The following CLIC5 variants were observed in gnomAD, a reference collection of about 807,000 sequenced individuals.
CLIC5 encodes CLIC family member 5.
CLIC5 carries 20 observed loss-of-function variants against 24.7 expected under a neutral mutation model. That is an observed-to-expected ratio of 0.81 (90% CI 0.57 to 1.18). The LOEUF (loss-of-function observed/expected upper bound fraction) is 1.18, where lower values mean the gene tolerates loss of function less well. Ranked by LOEUF, CLIC5 falls within the 50% of genes most tolerant of loss-of-function variation. The pLI is 0.00. For missense variants in CLIC5, 341 were observed against 326.1 expected (o/e 1.05, Z -0.35); for synonymous variants, 159 against 135.6 (o/e 1.17, Z -1.20).
At position 45,902,143 on chromosome 6, in the gene CLIC5, C is replaced by G. The variant is rs573755734; in HGVS notation, c.*945G>C. On this transcript the variant is annotated 3_prime_UTR_variant, in exon 6 of 6. Coordinates refer to ENST00000339561, the MANE Select transcript of CLIC5 (RefSeq NM_016929.5). ...TTTTTAAAAGTTTACCAGGGAACATCGAGGCTCATAAAGAACTCTTTTGTC... is the reference window on the plus strand; with the variant it reads ...TTTTTAAAAGTTTACCAGGGAACATGGAGGCTCATAAAGAACTCTTTTGTC... 1.3e-5 allele frequency: 2 copies of G among 152,650 alleles called. No homozygotes were observed. The highest frequency in any genetic ancestry group is 1.9e-4 in the East Asian group (1 of 5,190). 9.5% of individuals were successfully genotyped at this position (152,650 alleles called of 1,614,324 possible).
chr6:45,936,523 C>T lies in CLIC5; in HGVS notation c.406+5024G>A, dbSNP rs115326160. Among the ~76,000 whole-genome samples the T allele has an allele frequency of 3.0e-3, 459 of 152,100 alleles. 3 individuals are homozygous for T. Among genetic ancestry groups the T allele is most frequent in the African/African-American group, 0.011 (443 of 41,504 alleles). On this transcript the variant is annotated intron_variant, in intron 4 of 5. Transcript: ENST00000339561. ...CCTGGCCCCAGCAGCTGACTTTGAA[C>T]GTGGTAGTGGGCATTATTCCAAGCA...
chr6:46,085,735 G>T, the CLIC5 span, among the ~76,000 whole-genome samples: 2 of 152,206 alleles, frequency 1.3e-5, no homozygotes, highest in Non-Finnish European at 2.9e-5. Context: ...CAGTCTGCCC[G>T]TTCTCAGATC....
At position 46,024,555 on chromosome 6, in the gene CLIC5, T is replaced by G. The variant is rs142416833; in HGVS notation, c.540+55148A>C. ...AACAGAGAGAAAACAAGAGCCAAGATACATAGAGAGGAAGCCCAAGTTCTG... is the reference window on the plus strand; with the variant it reads ...AACAGAGAGAAAACAAGAGCCAAGAGACATAGAGAGGAAGCCCAAGTTCTG... On this transcript the variant is annotated intron_variant, in intron 1 of 5. Coordinates refer to the CLIC5 transcript ENST00000185206. Among the ~76,000 whole-genome samples, 434 of 152,284 alleles carry G rather than the reference T, an allele frequency of 2.8e-3. 1 individual carries two copies. Among genetic ancestry groups the G allele is most frequent in the African/African-American group, 9.1e-3 (379 of 41,566 alleles).
chr6:46,106,539 G>A, the CLIC5 span, among the ~76,000 whole-genome samples: 2 of 152,138 alleles, frequency 1.3e-5, no homozygotes, highest in Non-Finnish European at 2.9e-5. Flanking sequence ...TTGCCCTGAG[G>A]TCAGTGGTCC....
At chr6:46,066,207 G>A (rs530082970) in intron 1 of CLIC5, among the ~76,000 whole-genome samples, 1 of 152,186 alleles carries the variant, frequency 6.6e-6, no homozygotes, top group East Asian at 1.9e-4. Context: ...TCAAAGCGGG[G>A]GCAGGGGGCA....
chr6:45,932,990 T>C (rs994808673), intron 4 of CLIC5, among the ~76,000 whole-genome samples: 12 of 152,182 alleles, frequency 7.9e-5, no homozygotes, highest in Non-Finnish European at 1.6e-4. Context: ...GGAATGATCA[T>C]CCAAATTCTG....
At chr6:46,119,505 A>G in the CLIC5 span, among the ~76,000 whole-genome samples, 2 of 152,230 alleles carry the variant, frequency 1.3e-5, no homozygotes, top group Admixed American at 1.3e-4. Flanking sequence ...TCCCAGCGTG[A>G]GCGACGCAGA....
Position 45,892,865 on chromosome 6 carries a change from G to A in CLIC5, c.624-11677C>T, listed in dbSNP as rs183139137. ...GTCAAGTGGTCTTACTGATTATCAA[G>A]TTGGCTTTCTGCCTTGATGCATTTA... On this transcript the variant is annotated intron_variant, in intron 6 of 6. Transcript: ENST00000644324. Among the ~76,000 whole-genome samples, 45 of 152,276 alleles carry A rather than the reference G, an allele frequency of 3.0e-4. 1 individual carries two copies. The East Asian group carries it at 6.0e-3, about 20-fold the overall frequency.
At chr6:45,895,014 T>A (rs1455273876), downstream of CLIC5, among the ~76,000 whole-genome samples, 1 of 152,030 alleles carries the variant, frequency 6.6e-6, no homozygotes, top group Non-Finnish European at 1.5e-5. Flanking sequence ...GTTCTCTTTT[T>A]GTTAAAAAAA....
intron 1 of CLIC5, among the ~76,000 whole-genome samples, chr6:45,968,068 C>A (rs1462542285): frequency 6.6e-6 from 1 of 152,176 alleles, no homozygotes; most frequent in East Asian, 1.9e-4. Context: ...TGCAGAATTT[C>A]TCTAGTTCCC....
the CLIC5 span, among the ~76,000 whole-genome samples, chr6:46,100,475 G>A: frequency 2.0e-5 from 3 of 152,218 alleles, no homozygotes; most frequent in Admixed American, 2.0e-4. Context: ...GACGCTGTCC[G>A]CATTGGCACA....
At chr6:45,933,118 C>T (rs1465109672) in intron 4 of CLIC5, among the ~76,000 whole-genome samples, 1 of 152,174 alleles carries the variant, frequency 6.6e-6, no homozygotes, top group Non-Finnish European at 1.5e-5. Flanking sequence ...GAAAGAGGAG[C>T]CTCTGATGTG....
intron 1 of CLIC5, among the ~76,000 whole-genome samples, chr6:46,032,221 G>A (rs897047421): frequency 5.9e-5 from 9 of 152,090 alleles, no homozygotes; most frequent in African/African-American, 2.2e-4. Flanking sequence ...AGAGAGAAAG[G>A]GGAGGTGCTA....
At position 46,074,570 on chromosome 6, in the gene CLIC5, T is replaced by C. The variant is rs1403792188; in HGVS notation, c.540+5133A>G. On this transcript the variant is annotated intron_variant, in intron 1 of 5. Transcript: ENST00000185206. The stretch of plus-strand genomic sequence containing the variant: ...ACTTGTTCAGTGCACAACCTGTGCA[T>C]CCCCGCATGAGGGCCCTATAAGTGT... 2.6e-5 allele frequency among the ~76,000 whole-genome samples: 4 copies of C among 152,178 alleles called. No individual in the cohort carries two copies. In the East Asian group the frequency reaches 7.7e-4, roughly 29 times the overall value.
chr6:45,938,353 A>T (rs930945495), intron 4 of CLIC5, among the ~76,000 whole-genome samples: 1 of 152,188 alleles, frequency 6.6e-6, no homozygotes, highest in South Asian at 2.1e-4. Context: ...TGCTAAGCCT[A>T]AGAATTTTGG....
intron 1 of CLIC5, among the ~76,000 whole-genome samples, chr6:46,008,004 T>A (rs1766652556): frequency 6.6e-6 from 1 of 151,692 alleles, no homozygotes; most frequent in African/African-American, 2.4e-5. Context: ...AGTGATCAAG[T>A]CAGGACTTTT....
chr6:45,975,220 A>G (rs894661260), intron 1 of CLIC5, among the ~76,000 whole-genome samples: 5 of 152,144 alleles, frequency 3.3e-5, no homozygotes, highest in African/African-American at 1.2e-4. Context: ...TTGGTGAGGC[A>G]CACTCAGGGG....
chr6:46,042,632 G>A (rs1312598607), intron 1 of CLIC5, among the ~76,000 whole-genome samples: 2 of 152,144 alleles, frequency 1.3e-5, no homozygotes, highest in Non-Finnish European at 2.9e-5. Context: ...CCCTCTCAAT[G>A]AGACAATGAA....
chr6:46,060,304 A>T (rs923821888), intron 1 of CLIC5, among the ~76,000 whole-genome samples: 5 of 152,120 alleles, frequency 3.3e-5, no homozygotes, highest in East Asian at 1.9e-4. Flanking sequence ...CTTATTAAAA[A>T]TTTTTTTAAT....
Sources: gnomAD v4.1 joint callset for allele counts (sites outside exome capture counted in the v4.1 genomes callset) on GRCh38, gnomAD v4.1.1 for gene constraint, MANE v1.5 for transcripts, NCBI Gene and HGNC (gene_info 2026-07-23, HGNC 2026-07-21) for gene names.